Variants in CARMIL1 observed in about 807,000 individuals in gnomAD.
CARMIL1 encodes F-actin-uncapping protein LRRC16A.
Under a neutral mutation model 177.1 loss-of-function variants are expected in CARMIL1, and 90 were observed. The observed-to-expected ratio is 0.51, with a 90% confidence interval of 0.43 to 0.61. CARMIL1 has a LOEUF of 0.61. Among genes scored for constraint, CARMIL1 ranks in the 20% least tolerant of loss-of-function variants. CARMIL1 has a pLI of 0.00. For missense variants in CARMIL1, 1,380 were observed against 1,667.0 expected (o/e 0.83, Z 3.00); for synonymous variants, 577 against 606.2 (o/e 0.95, Z 0.71).
rs543880849 is a variant in CARMIL1, at chr6:25,315,376, A to T, written c.138+30467A>T. ...ATTTACTGCTCACTGTGTGAGGATG[A>T]TAGGCACTCCTCAGTTATAAACATC... On this transcript the variant is annotated intron_variant, in intron 2 of 36. Transcript: ENST00000329474. 1.8e-4 allele frequency among the ~76,000 whole-genome samples: 28 copies of T among 152,348 alleles called. No individual in the cohort carries two copies. In the South Asian group the frequency reaches 5.2e-3, roughly 28 times the overall value.
intron 8 of CARMIL1, among the ~76,000 whole-genome samples, chr6:25,463,802 T>C (rs1303632750): frequency 6.7e-6 from 1 of 149,512 alleles, no homozygotes; most frequent in African/African-American, 2.5e-5. Flanking sequence ...AAAATAACTA[T>C]TGAAAGAGTT....
At chr6:25,321,250 C>T (rs867933630) in intron 2 of CARMIL1, among the ~76,000 whole-genome samples, 7 of 152,304 alleles carry the variant, frequency 4.6e-5, no homozygotes, top group South Asian at 2.1e-4. Flanking sequence ...CACCCACCCA[C>T]GGGGTTGGAG....
intron 29 of CARMIL1, among the ~76,000 whole-genome samples, chr6:25,571,578 A>G (rs1325902173): frequency 6.6e-6 from 1 of 152,236 alleles, no homozygotes; most frequent in Non-Finnish European, 1.5e-5. Flanking sequence ...AAGGGAATTA[A>G]TACTTTACAA....
At chr6:25,471,705 G>A (rs537613600) in intron 10 of CARMIL1, among the ~76,000 whole-genome samples, 9 of 152,236 alleles carry the variant, frequency 5.9e-5, no homozygotes, top group African/African-American at 2.2e-4. Flanking sequence ...AATTATTATC[G>A]TTACTGGTGG....
At chr6:25,444,594 A>G (rs550333803) in intron 5 of CARMIL1, among the ~76,000 whole-genome samples, 6 of 152,228 alleles carry the variant, frequency 3.9e-5, no homozygotes, top group South Asian at 2.1e-4. Context: ...TCATTGTTCA[A>G]TTCCCACCTT....
At chr6:25,378,315 T>A (rs904406757) in intron 2 of CARMIL1, among the ~76,000 whole-genome samples, 1 of 152,164 alleles carries the variant, frequency 6.6e-6, no homozygotes, top group African/African-American at 2.4e-5. Flanking sequence ...GCCATTAGCC[T>A]TTGCATGGCC....
intron 31 of CARMIL1, among the ~76,000 whole-genome samples, chr6:25,583,667 T>C (rs1813346820): frequency 6.6e-6 from 1 of 152,244 alleles, no homozygotes; most frequent in Non-Finnish European, 1.5e-5. Context: ...AATAGCTTGA[T>C]ACTGTTTCAA....
intron 26 of CARMIL1, 42 bp downstream of exon 26, chr6:25,540,120 TTAAC>T: frequency 6.5e-7 from 1 of 1,543,856 alleles, no homozygotes; most frequent in Non-Finnish European, 8.8e-7. Flanking sequence ...TTGTTAATAT[TTAAC>T]TACGCATGAT....
At chr6:25,359,881 CA>C (rs202026571) in intron 2 of CARMIL1, among the ~76,000 whole-genome samples, 5,398 of 152,144 alleles carry the variant, frequency 0.035, 256 homozygotes, top group African/African-American at 0.11. Context: ...TTTAGTCTTG[CA>C]AAAACTAAAG....
intron 2 of CARMIL1, among the ~76,000 whole-genome samples, chr6:25,295,208 A>C (rs1298053075): frequency 6.6e-6 from 1 of 152,070 alleles, no homozygotes; most frequent in Non-Finnish European, 1.5e-5. Flanking sequence ...TTCTGTGCTA[A>C]CTTACATAAA....
At chr6:25,327,858 A>T (rs987046640) in intron 2 of CARMIL1, among the ~76,000 whole-genome samples, 6 of 152,192 alleles carry the variant, frequency 3.9e-5, no homozygotes, top group Non-Finnish European at 7.3e-5. Flanking sequence ...ACAAAAACAG[A>T]TTTATAACTT....
chr6:25,557,875 C>G (rs2151184150), intron 29 of CARMIL1, among the ~76,000 whole-genome samples: 2 of 152,262 alleles, frequency 1.3e-5, no homozygotes, highest in South Asian at 2.1e-4. Flanking sequence ...TGAGGGTTCT[C>G]TATGTAAAGT....
At chr6:25,373,205 TTTTC>T (rs1790599406) in intron 2 of CARMIL1, among the ~76,000 whole-genome samples, 1 of 152,096 alleles carries the variant, frequency 6.6e-6, no homozygotes, top group Non-Finnish European at 1.5e-5. Context: ...TGTTCTGTAG[TTTTC>T]TTTGTCTTTT....
intron 2 of CARMIL1, among the ~76,000 whole-genome samples, chr6:25,340,533 GTACA>G (rs907609011): frequency 1.3e-5 from 2 of 152,160 alleles, no homozygotes; most frequent in African/African-American, 4.8e-5. Flanking sequence ...AAAGAGCAGA[GTACA>G]TAATGCCCAG....
chr6:25,579,610 C>T (rs775270531), intron 29 of CARMIL1, among the ~76,000 whole-genome samples: 1 of 152,152 alleles, frequency 6.6e-6, no homozygotes, highest in Non-Finnish European at 1.5e-5. Flanking sequence ...TTTTATTGAA[C>T]CTGCAAAACC....
intron 5 of CARMIL1, among the ~76,000 whole-genome samples, chr6:25,448,542 T>C (rs1015138141): frequency 5.9e-5 from 9 of 152,150 alleles, no homozygotes; most frequent in African/African-American, 2.2e-4. Context: ...AGAGATATAT[T>C]TTATACCAAA....
At chr6:25,320,753 C>T (rs1215106181) in intron 2 of CARMIL1, among the ~76,000 whole-genome samples, 1 of 152,148 alleles carries the variant, frequency 6.6e-6, no homozygotes, top group African/African-American at 2.4e-5. Flanking sequence ...TTTGGCTTTT[C>T]CAAAGGATCC....
At chr6:25,487,093 G>T (rs974996170) in intron 12 of CARMIL1, among the ~76,000 whole-genome samples, 2 of 151,976 alleles carry the variant, frequency 1.3e-5, no homozygotes, top group African/African-American at 2.4e-5. Flanking sequence ...CCAAATGTGC[G>T]CCCACTTTGA....
chr6:25,305,127 G>A (rs1235302308), intron 2 of CARMIL1, among the ~76,000 whole-genome samples: 2 of 152,122 alleles, frequency 1.3e-5, no homozygotes, highest in Admixed American at 6.5e-5. Context: ...AGAAGACATT[G>A]GACTTTGTTT....
Sources: allele counts gnomAD v4.1 joint callset (sites outside exome capture counted in the v4.1 genomes callset), GRCh38; gene constraint gnomAD v4.1.1; transcripts MANE v1.5; gene names NCBI Gene and HGNC (gene_info 2026-07-23, HGNC 2026-07-21).